The following CBFA2T2 variants were observed in gnomAD, a reference collection of about 807,000 sequenced individuals.
The protein encoded by CBFA2T2 is protein CBFA2T2.
CBFA2T2 carries 11 observed loss-of-function variants against 62.2 expected under a neutral mutation model. That is an observed-to-expected ratio of 0.18 (90% confidence interval 0.11 to 0.29). The LOEUF (loss-of-function observed/expected upper bound fraction) is 0.29. Ranked by LOEUF, CBFA2T2 falls within the 10% of genes least tolerant of loss-of-function variation. The pLI, the probability that CBFA2T2 is intolerant of heterozygous loss-of-function variation, is 1.00. For synonymous variants in CBFA2T2, 295 were observed against 287.5 expected (o/e 1.03, Z -0.27); for missense variants, 592 against 774.1 (o/e 0.76, Z 2.79).
intron 3 of CBFA2T2, among the ~76,000 whole-genome samples, chr20:33,615,582 C>G (rs576892964): frequency 2.0e-5 from 3 of 152,076 alleles, no homozygotes; most frequent in Non-Finnish European, 4.4e-5. Flanking sequence ...TCTCCCTATT[C>G]CCCCCAATAA....
At chr20:33,623,953 G>A (rs59308143) in intron 5 of CBFA2T2, 13,399 of 425,466 alleles carry the variant, frequency 0.031, 830 homozygotes, top group Admixed American at 0.18. Flanking sequence ...AGAAAGAATT[G>A]GAAAAAAAAA....
chr20:33,557,786 C>A (rs1378109630), intron 1 of CBFA2T2, among the ~76,000 whole-genome samples: 3 of 151,818 alleles, frequency 2.0e-5, no homozygotes, highest in Non-Finnish European at 4.4e-5. Flanking sequence ...GGATTACAGG[C>A]GTGAACCACT....
chr20:33,504,024 A>G (rs1211777218), intron 1 of CBFA2T2, among the ~76,000 whole-genome samples: 1 of 152,040 alleles, frequency 6.6e-6, no homozygotes, highest in Non-Finnish European at 1.5e-5. Flanking sequence ...CTTGGAAGCT[A>G]CTAGTTTATA....
At chr20:33,606,677 G>C (rs921079464) in intron 1 of CBFA2T2, among the ~76,000 whole-genome samples, 1 of 151,876 alleles carries the variant, frequency 6.6e-6, no homozygotes, top group Admixed American at 6.6e-5. Context: ...CCTTCTTTAA[G>C]GACACCATTC....
At chr20:33,628,033 T>C (rs1386622308) in intron 6 of CBFA2T2, among the ~76,000 whole-genome samples, 1 of 152,260 alleles carries the variant, frequency 6.6e-6, no homozygotes, top group African/African-American at 2.4e-5. Context: ...CAACACTTAG[T>C]ATTATCTGAC....
At chr20:33,537,258 G>A (rs997824030) in intron 1 of CBFA2T2, among the ~76,000 whole-genome samples, 1 of 152,272 alleles carries the variant, frequency 6.6e-6, no homozygotes, top group African/African-American at 2.4e-5. Flanking sequence ...GCCGAGGCTG[G>A]CGGATCACTC....
chr20:33,555,168 T>A (rs2012860002), intron 1 of CBFA2T2, among the ~76,000 whole-genome samples: 1 of 152,180 alleles, frequency 6.6e-6, no homozygotes, highest in Admixed American at 6.5e-5. Flanking sequence ...AGAGGTTTGT[T>A]TTTGATTGGT....
chr20:33,509,752 G>T (rs1271564922), intron 1 of CBFA2T2, among the ~76,000 whole-genome samples: 4 of 152,016 alleles, frequency 2.6e-5, no homozygotes, highest in South Asian at 2.1e-4. Flanking sequence ...TCTCTTGAAC[G>T]TGGGAGGCGG....
intron 1 of CBFA2T2, among the ~76,000 whole-genome samples, chr20:33,595,081 A>G (rs2014827441): frequency 6.6e-6 from 1 of 152,258 alleles, no homozygotes; most frequent in Admixed American, 6.5e-5. Context: ...TAAGGTTATC[A>G]ACAGACTTGG....
intron 5 of CBFA2T2, chr20:33,623,854 G>A (rs766301253): frequency 4.3e-5 from 31 of 716,940 alleles, no homozygotes; most frequent in African/African-American, 8.8e-5. Flanking sequence ...CTGCACACCC[G>A]GTAAGAAACT....
At chr20:33,571,968 A>G (rs902545644) in intron 1 of CBFA2T2, among the ~76,000 whole-genome samples, 3 of 152,050 alleles carry the variant, frequency 2.0e-5, no homozygotes, top group Middle Eastern at 3.2e-3. Flanking sequence ...CCGGCTCACC[A>G]TAACCTCCGC....
intron 1 of CBFA2T2, 22 bp downstream of exon 1, chr20:33,490,323 G>T: frequency 2.3e-6 from 3 of 1,283,058 alleles, no homozygotes; most frequent in Non-Finnish European, 3.0e-6. Flanking sequence ...GTGAATGCGG[G>T]CGGCCGAGGG....
chr20:33,536,737 G>A (rs1230935384), intron 1 of CBFA2T2, among the ~76,000 whole-genome samples: 4 of 151,306 alleles, frequency 2.6e-5, no homozygotes, highest in Non-Finnish European at 5.9e-5. Context: ...ACGGGGCGGC[G>A]GGGCAGAGGC....
At chr20:33,562,094 G>A (rs1260375243) in intron 1 of CBFA2T2, among the ~76,000 whole-genome samples, 1 of 152,154 alleles carries the variant, frequency 6.6e-6, no homozygotes, top group African/African-American at 2.4e-5. Context: ...GACTTTAAAT[G>A]GTAATTGCTA....
intron 1 of CBFA2T2, among the ~76,000 whole-genome samples, chr20:33,539,488 C>T (rs2012352026): frequency 6.6e-6 from 1 of 152,160 alleles, no homozygotes; most frequent in Admixed American, 6.5e-5. Context: ...TCATTGTTTA[C>T]ATCCCTGTTG....
Position 33,624,784 on chromosome 20 carries a change from A to G in CBFA2T2, c.713A>G (p.Asp238Gly), listed in dbSNP as rs372020030. 3.7e-6 allele frequency: 6 copies of G among 1,614,078 alleles called. No homozygotes were observed. In the African/African-American group the frequency reaches 4.0e-5, roughly 11 times the overall value. ...TACAGGAGAGAAGAGAATAGTTTTG[A>G]TAGAGACACAATTGCTCCTGAGCCT... ...SPERREENSFDRDTIAPEPPA... is the reference protein window; with the variant it reads ...SPERREENSFGRDTIAPEPPA... The change falls in exon 6 of 11, where the codon GAT becomes GGT. Residue 238 changes from aspartate to glycine, a missense_variant. Physicochemically the swap from Asp to Gly is moderately conservative, Grantham distance 94. Around this residue, in one of 3 missense-constraint regions of CBFA2T2, gnomAD observed 449 missense variants for 551.2 expected, o/e 0.81. Coordinates refer to ENST00000342704, the MANE Select transcript of CBFA2T2 (RefSeq NM_001032999.3).
At chr20:33,572,703 G>A (rs760688475) in intron 1 of CBFA2T2, among the ~76,000 whole-genome samples, 8 of 152,282 alleles carry the variant, frequency 5.3e-5, no homozygotes, top group Middle Eastern at 6.8e-3. Context: ...AAGAGAAGAG[G>A]GTAGAGAGAC....
chr20:33,618,884 A>T (rs1261101688), intron 3 of CBFA2T2, among the ~76,000 whole-genome samples: 1 of 152,236 alleles, frequency 6.6e-6, no homozygotes, highest in East Asian at 1.9e-4. Context: ...ATCAGGGATC[A>T]GAGTGCCTCT....
At chr20:33,523,212 A>G (rs1043525306) in intron 1 of CBFA2T2, among the ~76,000 whole-genome samples, 1 of 152,108 alleles carries the variant, frequency 6.6e-6, no homozygotes, top group Non-Finnish European at 1.5e-5. Context: ...AAGATTTCCC[A>G]GGTGATTCAT....
Sources: allele counts gnomAD v4.1 joint callset (sites outside exome capture counted in the v4.1 genomes callset), GRCh38; gene constraint gnomAD v4.1.1; regional missense constraint gnomAD v4.1.1; transcripts MANE v1.5; gene names NCBI Gene and HGNC (gene_info 2026-07-23, HGNC 2026-07-21).